The following BAZ1A variants were observed in gnomAD, a reference collection of about 807,000 sequenced individuals.
BAZ1A encodes the protein bromodomain adjacent to zinc finger domain protein 1A.
In BAZ1A, 50 loss-of-function variants were observed where a neutral mutation model predicts 185.2. That is an observed-to-expected ratio of 0.27 (90% CI 0.22 to 0.34). The LOEUF is 0.34. BAZ1A is among the 10% of genes least tolerant of loss of function. The probability of loss-of-function intolerance (pLI) is 1.00; values close to 1 mark genes in which losing one functional copy is unlikely to be tolerated. For synonymous variants in BAZ1A, 571 were observed against 615.6 expected, an observed-to-expected ratio of 0.93 and a Z score of 1.07; for missense variants, 1,356 against 1,839.9, an observed-to-expected ratio of 0.74 and a Z score of 4.81.
chr14:34,817,684 T>A (rs1237781144), intron 4 of BAZ1A, among the ~76,000 whole-genome samples: 1 of 152,068 alleles, frequency 6.6e-6, no homozygotes, highest in Non-Finnish European at 1.5e-5. Flanking sequence ...GGCAAAGAAC[T>A]TGAATGGGTA....
At chr14:34,826,714 A>C (rs2042170219) in intron 3 of BAZ1A, among the ~76,000 whole-genome samples, 1 of 152,212 alleles carries the variant, frequency 6.6e-6, no homozygotes, top group African/African-American at 2.4e-5. Context: ...TAGTCAGAGA[A>C]TATACTTTGT....
Position 34,832,215 on chromosome 14 carries a change from C to CACACACACATATATATATATATAT in BAZ1A, c.393-6060_393-6059insATATATATATATATATGTGTGTGT. ...ATACACACACACACACACACACACA[C>CACACACACATATATATATATATAT]ATATATATATATATATGTATGTATG... On this transcript the variant is annotated intron_variant, in intron 3 of 26. Coordinates refer to ENST00000360310, the MANE Select transcript of BAZ1A (RefSeq NM_013448.3). Among the ~76,000 whole-genome samples the CACACACACATATATATATATATAT allele has an allele frequency of 1.3e-3, 115 of 89,672 alleles. 1 individual carries two copies. Among genetic ancestry groups the CACACACACATATATATATATATAT allele is most frequent in the African/African-American group, 3.7e-3 (98 of 26,762 alleles). 58.8% of individuals were successfully genotyped at this position (89,672 alleles called of 152,430 possible). A position where few individuals can be genotyped will look rare whatever the true frequency, so the allele number is the denominator to read the frequency against.
In BAZ1A at chr14:34,756,402, A is replaced by G. The variant is rs372905526; in HGVS notation, c.4387-1488T>C. 3.3e-3 allele frequency among the ~76,000 whole-genome samples: 456 copies of G among 139,176 alleles called. 1 individual carries two copies. Among genetic ancestry groups the G allele is most frequent in the Non-Finnish European group, 5.7e-3 (353 of 62,380 alleles). 91.3% of individuals were successfully genotyped at this position (139,176 alleles called of 152,430 possible). A position where few individuals can be genotyped will look rare whatever the true frequency, so the allele number is the denominator to read the frequency against. ...AGTGCTGGGATCACAGGCATGAGCC[A>G]CTGTGCCTGGCCCTAAACTGTTGAG... is the stretch of plus-strand genomic sequence containing the variant. On this transcript the variant is annotated intron_variant, in intron 25 of 26. Transcript: ENST00000360310.
At chr14:34,804,578 A>C (rs1177089462) in intron 6 of BAZ1A, among the ~76,000 whole-genome samples, 1 of 152,240 alleles carries the variant, frequency 6.6e-6, no homozygotes, top group East Asian at 1.9e-4. Flanking sequence ...TAAATCAAGA[A>C]TCTATCAAAA....
intron 2 of BAZ1A, among the ~76,000 whole-genome samples, chr14:34,873,517 G>C (rs912342489): frequency 1.3e-5 from 2 of 152,184 alleles, no homozygotes; most frequent in African/African-American, 4.8e-5. Flanking sequence ...GCAGCTCCGC[G>C]TTCTTATCAA....
intron 21 of BAZ1A, among the ~76,000 whole-genome samples, chr14:34,765,933 A>G (rs1238041321): frequency 6.6e-6 from 1 of 152,206 alleles, no homozygotes; most frequent in Non-Finnish European, 1.5e-5. Flanking sequence ...TTTTCCAAAA[A>G]CATTATACTT....
chr14:34,844,779 A>ACACACACACGCG (rs1254999869), intron 3 of BAZ1A, among the ~76,000 whole-genome samples: 4 of 6,914 alleles, frequency 5.8e-4, no homozygotes, highest in African/African-American at 8.3e-4. Flanking sequence ...ACACACGCGC[A>ACACACACACGCG]CACACACACA....
intron 3 of BAZ1A, among the ~76,000 whole-genome samples, chr14:34,858,490 T>G (rs1005850305): frequency 6.6e-6 from 1 of 152,124 alleles, no homozygotes; most frequent in Non-Finnish European, 1.5e-5. Flanking sequence ...AATTTTTGTA[T>G]TTTTTGTAGA....
rs375668563 is a variant in BAZ1A, at chr14:34,801,905, CA to C, written c.862-713del. On this transcript the variant is annotated intron_variant, in intron 7 of 26. Transcript: ENST00000360310. ...TGGGTGACAGAGTGAGACTCCATCTCAAAAAAAAAAAAAAAAGTGTTACTGA... is the reference window on the plus strand; with the variant it reads ...TGGGTGACAGAGTGAGACTCCATCTCAAAAAAAAAAAAAAAGTGTTACTGA... Among the ~76,000 whole-genome samples the C allele has an allele frequency of 8.1e-3, 917 of 113,150 alleles. 15 individuals are homozygous for C. Among genetic ancestry groups the C allele is most frequent in the African/African-American group, 0.027 (826 of 30,306 alleles). 74.2% of individuals were successfully genotyped at this position (113,150 alleles called of 152,430 possible). A position where few individuals can be genotyped will look rare whatever the true frequency, so the allele number is the denominator to read the frequency against.
chr14:34,835,490 A>G (rs1200405), intron 3 of BAZ1A, among the ~76,000 whole-genome samples: 130,799 of 151,688 alleles, frequency 0.86, 57,508 homozygotes, highest in Non-Finnish European at 0.96. Context: ...GGGAATGGAA[A>G]CATTATGTTG....
intron 20 of BAZ1A, 67 bp downstream of exon 20, chr14:34,773,503 CAA>C (rs10713079): frequency 0.038 from 43,174 of 1,129,166 alleles, 43 homozygotes; most frequent in East Asian, 0.09. Context: ...ACTTAAAAAC[CAA>C]AAAAAAAAAA....
At chr14:34,758,286 TAAG>T (rs979560575) in intron 25 of BAZ1A, among the ~76,000 whole-genome samples, 7 of 143,664 alleles carry the variant, frequency 4.9e-5, no homozygotes, top group Admixed American at 6.9e-5. Context: ...CTAAAAATAC[TAAG>T]AAGAAGACAT....
intron 3 of BAZ1A, among the ~76,000 whole-genome samples, chr14:34,837,227 T>C (rs1566588825): frequency 6.6e-6 from 1 of 151,676 alleles, no homozygotes; most frequent in Non-Finnish European, 1.5e-5. Context: ...TATTAAAAGA[T>C]ATATATAATA....
chr14:34,777,539 G>A (rs1192596808), intron 17 of BAZ1A, among the ~76,000 whole-genome samples: 1 of 151,382 alleles, frequency 6.6e-6, no homozygotes, highest in Admixed American at 6.6e-5. Context: ...AGCTACTCAG[G>A]AGGCTGAGGC....
At chr14:34,804,892 C>G (rs988688905) in intron 6 of BAZ1A, among the ~76,000 whole-genome samples, 1 of 152,194 alleles carries the variant, frequency 6.6e-6, no homozygotes, top group Non-Finnish European at 1.5e-5. Context: ...AACTGGTTAT[C>G]AAACTTTGTG....
chr14:34,845,603 G>A (rs2042497416), intron 3 of BAZ1A, among the ~76,000 whole-genome samples: 2 of 152,138 alleles, frequency 1.3e-5, no homozygotes, highest in Admixed American at 6.5e-5. Context: ...GCTCACGCCT[G>A]TAATCCCAAC....
intron 2 of BAZ1A, 31 bp from the exon 3 acceptor site, chr14:34,862,353 C>T: frequency 6.4e-7 from 1 of 1,563,186 alleles, no homozygotes; most frequent in Non-Finnish European, 8.6e-7. Flanking sequence ...AAAACAAAAG[C>T]CCATTACCTA....
chr14:34,840,672 C>T lies in BAZ1A; in HGVS notation c.393-14516G>A, dbSNP rs61988029. ...TACTCGGGATGCTGAGGTGGAGAAT[C>T]GCTTGACCCAGGAAGCAGAGGTTGT... On this transcript the variant is annotated intron_variant, in intron 3 of 26. Transcript: ENST00000360310. 4.4e-3 allele frequency among the ~76,000 whole-genome samples: 671 copies of T among 152,044 alleles called. 3 individuals carry two copies. The highest frequency in any genetic ancestry group is 7.2e-3 in the Non-Finnish European group (490 of 67,996).
At chr14:34,775,676 G>T (rs1333508571) in intron 18 of BAZ1A, among the ~76,000 whole-genome samples, 1 of 152,170 alleles carries the variant, frequency 6.6e-6, no homozygotes, top group African/African-American at 2.4e-5. Flanking sequence ...GGGAGAATAT[G>T]TATTTTGTTA....
Sources: gnomAD v4.1 joint callset for allele counts (sites outside exome capture counted in the v4.1 genomes callset) on GRCh38, gnomAD v4.1.1 for gene constraint, MANE v1.5 for transcripts, NCBI Gene and HGNC (gene_info 2026-07-23, HGNC 2026-07-21) for gene names.